Variants in DLG1 observed in about 807,000 individuals in gnomAD.
The protein encoded by DLG1 is disks large homolog 1.
In DLG1, 42 loss-of-function variants were observed where a neutral mutation model predicts 123.4. The ratio of observed to expected loss-of-function variants is 0.34; its 90% CI spans 0.27 to 0.44. The LOEUF is 0.44. DLG1 is among the 20% of genes least tolerant of loss of function. The probability of loss-of-function intolerance (pLI) is 1.00; values close to 1 mark genes in which losing one functional copy is unlikely to be tolerated. For synonymous variants in DLG1, 317 were observed against 356.2 expected (o/e 0.89, Z 1.24); for missense variants, 942 against 1,082.6 (o/e 0.87, Z 1.82).
intron 4 of DLG1, among the ~76,000 whole-genome samples, chr3:197,204,698 A>C (rs1265863690): frequency 6.6e-6 from 1 of 152,220 alleles, no homozygotes; most frequent in African/African-American, 2.4e-5. Context: ...AATGCAGTGT[A>C]ACAACTATTT....
At chr3:197,087,231 G>T (rs1754932006) in intron 15 of DLG1, among the ~76,000 whole-genome samples, 1 of 151,406 alleles carries the variant, frequency 6.6e-6, no homozygotes, top group South Asian at 2.1e-4. Flanking sequence ...TGGTTGGTTT[G>T]GTTTTATCAT....
intron 5 of DLG1, among the ~76,000 whole-genome samples, chr3:197,185,577 G>A (rs1715450042): frequency 6.6e-6 from 1 of 152,056 alleles, no homozygotes; most frequent in South Asian, 2.1e-4. Context: ...ATCCTCTTGT[G>A]AAGGAAAAAA....
At chr3:197,097,481 A>G (rs955783205) in intron 14 of DLG1, among the ~76,000 whole-genome samples, 3 of 150,706 alleles carry the variant, frequency 2.0e-5, no homozygotes, top group Non-Finnish European at 4.4e-5. Flanking sequence ...TTTATTGTAG[A>G]TTTTTAACAA....
intron 4 of DLG1, among the ~76,000 whole-genome samples, chr3:197,195,958 A>G (rs1441992196): frequency 6.6e-6 from 1 of 152,056 alleles, no homozygotes; most frequent in Non-Finnish European, 1.5e-5. Context: ...AAAATACAGC[A>G]TCAGCATTCA....
chr3:197,117,294 A>G (rs976430964), intron 12 of DLG1, among the ~76,000 whole-genome samples: 1 of 152,232 alleles, frequency 6.6e-6, no homozygotes, highest in Admixed American at 6.5e-5. Context: ...CAGAAAGCTA[A>G]CATAGAATTA....
At chr3:197,195,096 C>A (rs1327193631) in intron 4 of DLG1, among the ~76,000 whole-genome samples, 3 of 151,508 alleles carry the variant, frequency 2.0e-5, no homozygotes, top group Non-Finnish European at 4.4e-5. Flanking sequence ...TAAAAAATTA[C>A]CATAATTTTA....
intron 13 of DLG1, among the ~76,000 whole-genome samples, chr3:197,111,996 A>C (rs1770294918): frequency 6.6e-6 from 1 of 152,136 alleles, no homozygotes; most frequent in African/African-American, 2.4e-5. Flanking sequence ...GTATGCTTTC[A>C]TTTGTCCTGG....
chr3:197,150,190 A>G (rs982492025), intron 5 of DLG1, among the ~76,000 whole-genome samples: 11 of 152,142 alleles, frequency 7.2e-5, no homozygotes, highest in Admixed American at 4.6e-4. Context: ...CCCAGGAGAA[A>G]ATTCTTCCCC....
chr3:197,201,704 T>C (rs1725821442), intron 4 of DLG1, among the ~76,000 whole-genome samples: 1 of 152,088 alleles, frequency 6.6e-6, no homozygotes, highest in South Asian at 2.1e-4. Flanking sequence ...CCCATGCTCA[T>C]GGATCAGAAG....
chr3:197,117,612 T>C (rs1257452752), intron 12 of DLG1, among the ~76,000 whole-genome samples: 1 of 152,030 alleles, frequency 6.6e-6, no homozygotes, highest in Non-Finnish European at 1.5e-5. Flanking sequence ...TTATAAACTA[T>C]CCAGAATAGG....
At chr3:197,116,349 AAGTAT>A (rs1247260112) in intron 12 of DLG1, among the ~76,000 whole-genome samples, 3 of 152,290 alleles carry the variant, frequency 2.0e-5, no homozygotes, top group South Asian at 4.1e-4. Context: ...GGAAATTTAA[AAGTAT>A]TATAAGAGCT....
intron 4 of DLG1, among the ~76,000 whole-genome samples, chr3:197,237,965 G>C (rs1746865265): frequency 6.6e-6 from 1 of 152,180 alleles, no homozygotes. Context: ...GCCTAGACTT[G>C]CATCCAAATC....
chr3:197,083,224 A>G (rs1752263276), intron 16 of DLG1, among the ~76,000 whole-genome samples: 2 of 152,324 alleles, frequency 1.3e-5, no homozygotes, highest in South Asian at 4.1e-4. Context: ...ATTATAATTT[A>G]ATAATATTAC....
chr3:197,178,412 A>T (rs1211840588), intron 5 of DLG1, among the ~76,000 whole-genome samples: 1 of 152,220 alleles, frequency 6.6e-6, no homozygotes, highest in Non-Finnish European at 1.5e-5. Context: ...CTGAATAAAG[A>T]AGATTGAGAC....
chr3:197,263,753 C>T (rs2150982808), intron 4 of DLG1, among the ~76,000 whole-genome samples: 1 of 152,290 alleles, frequency 6.6e-6, no homozygotes, highest in South Asian at 2.1e-4. Flanking sequence ...CACCACTGCA[C>T]TCCAGGCTGG....
chr3:197,293,144 A>G (rs1775738066), intron 3 of DLG1, among the ~76,000 whole-genome samples: 2 of 152,224 alleles, frequency 1.3e-5, no homozygotes, highest in Non-Finnish European at 2.9e-5. Flanking sequence ...CACCTAAATC[A>G]CAGAGTGAAA....
At chr3:197,111,855 G>A (rs1770214896) in intron 13 of DLG1, among the ~76,000 whole-genome samples, 2 of 152,308 alleles carry the variant, frequency 1.3e-5, no homozygotes, top group East Asian at 1.9e-4. Flanking sequence ...TAATTGCTGA[G>A]TAGTATTATA....
intron 4 of DLG1, among the ~76,000 whole-genome samples, chr3:197,230,813 C>T (rs1412090939): frequency 6.6e-6 from 1 of 152,054 alleles, no homozygotes; most frequent in Non-Finnish European, 1.5e-5. Context: ...ATCTCAAGAC[C>T]AGAAGTATAC....
In DLG1 at chr3:197,069,231, C is replaced by A; in HGVS notation, c.2035G>T (p.Glu679Ter). 1 of 1,590,070 alleles carries A rather than the reference C, an allele frequency of 6.3e-7. No homozygotes were observed. The highest frequency in any genetic ancestry group is 8.6e-7 in the Non-Finnish European group (1 of 1,167,704). Residue 679 changes from glutamate (E) to a stop codon, truncating the protein, a stop_gained, in exon 19 of 25, where the codon GAA (glutamate) becomes TAA (stop). Transcript: ENST00000667157. LOFTEE classifies it high-confidence loss of function. ...TTAAAACACTTACGGTAACTACTTT[C>A]ACTATCGCTGGCATTAGAAGTTACA... Reference protein sequence around the residue: ...QHVTSNASDSESSYRGQEEYV... With the variant: ...QHVTSNASDS
Sources: gnomAD v4.1 joint callset for allele counts (sites outside exome capture counted in the v4.1 genomes callset) on GRCh38, gnomAD v4.1.1 for gene constraint, MANE v1.5 for transcripts, NCBI Gene and HGNC (gene_info 2026-07-23, HGNC 2026-07-21) for gene names.